Variants in STXBP5L observed in about 807,000 individuals in gnomAD.
The protein encoded by STXBP5L is syntaxin-binding protein 5-like.
A neutral mutation model predicts 144.5 loss-of-function variants in STXBP5L; 65 were observed. The observed-to-expected ratio is 0.45, with a 90% CI of 0.37 to 0.55. The LOEUF (loss-of-function observed/expected upper bound fraction) is 0.55, where lower values mean the gene tolerates loss of function less well. Among genes scored for constraint, STXBP5L ranks in the 20% least tolerant of loss-of-function variants. The pLI, the probability that STXBP5L is intolerant of heterozygous loss-of-function variation, is 0.00. For synonymous variants in STXBP5L, 505 were observed against 469.6 expected, an observed-to-expected ratio of 1.08 and a Z score of -0.97; for missense variants, 1,298 against 1,405.5, an observed-to-expected ratio of 0.92 and a Z score of 1.22.
chr3:121,077,675 C>T (rs376467825), intron 5 of STXBP5L, among the ~76,000 whole-genome samples: 7 of 152,234 alleles, frequency 4.6e-5, no homozygotes, highest in East Asian at 1.9e-4. Context: ...TACAGAGAGC[C>T]GAGTGGTCTG....
chr3:121,004,702 C>T lies in STXBP5L; in HGVS notation c.288-36998C>T, dbSNP rs540280817. On this transcript the variant is annotated intron_variant, in intron 3 of 26. Transcript: ENST00000471454. ...GGCTGTGGGTTTGTCATAGATAGCT[C>T]TTCTTATTTTGAGATACGTCCCATG... is the stretch of plus-strand genomic sequence containing the variant. 1.5e-3 allele frequency among the ~76,000 whole-genome samples: 229 copies of T among 152,124 alleles called. 1 individual carries two copies. Among genetic ancestry groups the T allele is most frequent in the Middle Eastern group, 6.8e-3 (2 of 294 alleles).
chr3:121,019,814 CA>C (rs1945415205), intron 3 of STXBP5L, among the ~76,000 whole-genome samples: 2 of 152,134 alleles, frequency 1.3e-5, no homozygotes, highest in Admixed American at 1.3e-4. Flanking sequence ...ATAATCTACC[CA>C]AATGAGAAGA....
intron 20 of STXBP5L, among the ~76,000 whole-genome samples, chr3:121,367,171 A>T (rs2045886544): frequency 6.6e-6 from 1 of 152,146 alleles, no homozygotes. Context: ...GTGGTTACAA[A>T]CCATTGTTCC....
chr3:121,045,008 C>G (rs746656326), intron 4 of STXBP5L, among the ~76,000 whole-genome samples: 5 of 152,016 alleles, frequency 3.3e-5, no homozygotes, highest in Admixed American at 6.6e-5. Flanking sequence ...AAAATTCTTG[C>G]AAAGGAGAAT....
At chr3:120,938,034 G>A (rs1461692653) in intron 2 of STXBP5L, among the ~76,000 whole-genome samples, 3 of 151,738 alleles carry the variant, frequency 2.0e-5, no homozygotes, top group African/African-American at 7.3e-5. Flanking sequence ...TACAAGTAAT[G>A]TATCTTCCAT....
At chr3:121,096,206 G>A (rs1029201207) in intron 5 of STXBP5L, among the ~76,000 whole-genome samples, 1 of 152,176 alleles carries the variant, frequency 6.6e-6, no homozygotes, top group Admixed American at 6.5e-5. Context: ...GCTGGGAGTT[G>A]TGGACTGGAG....
intron 3 of STXBP5L, among the ~76,000 whole-genome samples, chr3:120,975,213 T>C (rs983503870): frequency 6.6e-6 from 1 of 152,236 alleles, no homozygotes; most frequent in Non-Finnish European, 1.5e-5. Context: ...TCCTCTTTTA[T>C]TTCCTTGAGC....
intron 22 of STXBP5L, among the ~76,000 whole-genome samples, chr3:121,404,814 T>C (rs1178443557): frequency 2.6e-5 from 4 of 152,166 alleles, no homozygotes; most frequent in Admixed American, 2.6e-4. Flanking sequence ...CACAGGATGA[T>C]GAAAAGAAGC....
chr3:121,249,477 T>C (rs891580003), intron 14 of STXBP5L, among the ~76,000 whole-genome samples: 103 of 152,190 alleles, frequency 6.8e-4, no homozygotes, highest in African/African-American at 2.4e-3. Flanking sequence ...AGTGGTACTA[T>C]TTTGTTATTT....
chr3:121,192,828 G>A (rs570337972), intron 9 of STXBP5L, among the ~76,000 whole-genome samples: 20 of 152,052 alleles, frequency 1.3e-4, no homozygotes, highest in African/African-American at 3.4e-4. Flanking sequence ...AATTCAAGAC[G>A]GATTAAAGAC....
At chr3:121,408,386 G>A (rs1247134751) in intron 23 of STXBP5L, among the ~76,000 whole-genome samples, 1 of 151,818 alleles carries the variant, frequency 6.6e-6, no homozygotes, top group Non-Finnish European at 1.5e-5. Flanking sequence ...GGCCTGTGAA[G>A]GATATAAAAA....
intron 19 of STXBP5L, among the ~76,000 whole-genome samples, chr3:121,313,816 C>G (rs187873966): frequency 1.4e-5 from 2 of 140,140 alleles, no homozygotes; most frequent in Non-Finnish European, 1.6e-5. Context: ...GGTTGCCGGA[C>G]GGAGGGGCTC....
chr3:121,087,208 A>G (rs889580496), intron 5 of STXBP5L, among the ~76,000 whole-genome samples: 8 of 152,098 alleles, frequency 5.3e-5, no homozygotes, highest in Admixed American at 3.9e-4. Context: ...CTATAGGGTT[A>G]TGATTTTCTT....
chr3:121,144,608 C>A (rs2045646333), intron 7 of STXBP5L, among the ~76,000 whole-genome samples: 2 of 151,834 alleles, frequency 1.3e-5, no homozygotes, highest in Admixed American at 1.3e-4. Context: ...ACAGCAGTCC[C>A]ATTTCTGGAT....
At chr3:121,003,619 T>A (rs1943981159) in intron 3 of STXBP5L, among the ~76,000 whole-genome samples, 1 of 152,212 alleles carries the variant, frequency 6.6e-6, no homozygotes, top group Non-Finnish European at 1.5e-5. Context: ...AGACATGAAG[T>A]CCTTGCCCAT....
intron 3 of STXBP5L, among the ~76,000 whole-genome samples, chr3:120,977,222 G>C (rs961342573): frequency 6.6e-6 from 1 of 152,096 alleles, no homozygotes; most frequent in Non-Finnish European, 1.5e-5. Flanking sequence ...CATGAATCTG[G>C]GTGCTCCTGT....
intron 3 of STXBP5L, among the ~76,000 whole-genome samples, chr3:121,028,784 C>T (rs1459969269): frequency 1.3e-5 from 2 of 152,082 alleles, no homozygotes; most frequent in Non-Finnish European, 2.9e-5. Flanking sequence ...GCTTCCTTCA[C>T]TGAGCCAAAA....
intron 3 of STXBP5L, among the ~76,000 whole-genome samples, chr3:121,025,910 ATTTATAAATATATCTATAAT>A (rs1175456908): frequency 1.1e-4 from 13 of 119,992 alleles, no homozygotes; most frequent in Admixed American, 6.4e-4. Flanking sequence ...AATTATATAA[ATTTATAAATATATCTATAAT>A]TTTATAAATT....
At chr3:120,915,841 T>A (rs1002453838) in intron 2 of STXBP5L, among the ~76,000 whole-genome samples, 2 of 152,080 alleles carry the variant, frequency 1.3e-5, no homozygotes, top group African/African-American at 4.8e-5. Context: ...TTATAAAGAA[T>A]AGAATATAAG....
Sources: gnomAD v4.1 joint callset for allele counts (sites outside exome capture counted in the v4.1 genomes callset) on GRCh38, gnomAD v4.1.1 for gene constraint, MANE v1.5 for transcripts, NCBI Gene and HGNC (gene_info 2026-07-23, HGNC 2026-07-21) for gene names.